Variants in ZNRF2 observed in about 807,000 individuals in gnomAD.
ZNRF2 encodes E3 ubiquitin-protein ligase ZNRF2.
Under a neutral mutation model 20.4 loss-of-function variants are expected in ZNRF2, and 16 were observed. The ratio of observed to expected loss-of-function variants is 0.79; its 90% CI spans 0.53 to 1.19. ZNRF2 has a LOEUF of 1.19. ZNRF2 is among the 50% of genes most tolerant of loss of function. The probability of loss-of-function intolerance (pLI) is 0.00; values close to 1 mark genes in which losing one functional copy is unlikely to be tolerated. For synonymous variants in ZNRF2, 178 were observed against 144.9 expected, an observed-to-expected ratio of 1.23 and a Z score of -1.64; for missense variants, 363 against 332.4, an observed-to-expected ratio of 1.09 and a Z score of -0.72.
chr7:30,348,706 T>C (rs1281313256), intron 2 of ZNRF2, among the ~76,000 whole-genome samples: 1 of 152,198 alleles, frequency 6.6e-6, no homozygotes, highest in East Asian at 1.9e-4. Context: ...GCTTCCATTC[T>C]CTAAAAATCC....
chr7:30,290,200 TTTG>T (rs1280630242), intron 1 of ZNRF2, among the ~76,000 whole-genome samples: 1 of 152,262 alleles, frequency 6.6e-6, no homozygotes, highest in Non-Finnish European at 1.5e-5. Context: ...ATGACATTTA[TTTG>T]TTAAGAAATT....
intron 2 of ZNRF2, among the ~76,000 whole-genome samples, chr7:30,345,454 A>G (rs1326170076): frequency 2.0e-5 from 3 of 151,934 alleles, no homozygotes; most frequent in Admixed American, 2.0e-4. Context: ...GAGGCTAGAT[A>G]GTGGATATAT....
At chr7:30,295,310 C>A (rs555568496) in intron 1 of ZNRF2, among the ~76,000 whole-genome samples, 25 of 152,184 alleles carry the variant, frequency 1.6e-4, no homozygotes, top group Admixed American at 1.5e-3. Context: ...CACTTTATGT[C>A]CAGGCTGTAT....
At chr7:30,306,645 C>G (rs1206860979) in intron 1 of ZNRF2, among the ~76,000 whole-genome samples, 2 of 152,102 alleles carry the variant, frequency 1.3e-5, no homozygotes, top group African/African-American at 4.8e-5. Flanking sequence ...TCCTAAAACA[C>G]TGGATAATCC....
chr7:30,297,734 A>AT (rs57677188), intron 1 of ZNRF2, among the ~76,000 whole-genome samples: 2,100 of 140,608 alleles, frequency 0.015, 43 homozygotes, highest in East Asian at 0.1. Flanking sequence ...GCTTTCTGTG[A>AT]TTTTTTTTTT....
chr7:30,303,676 C>G (rs1008200993), intron 1 of ZNRF2, among the ~76,000 whole-genome samples: 8 of 152,128 alleles, frequency 5.3e-5, no homozygotes, highest in Non-Finnish European at 1.0e-4. Context: ...GGGCTGGGTG[C>G]TTTATTAACT....
At chr7:30,331,062 C>T (rs1799629151) in intron 2 of ZNRF2, among the ~76,000 whole-genome samples, 1 of 152,152 alleles carries the variant, frequency 6.6e-6, no homozygotes, top group South Asian at 2.1e-4. Flanking sequence ...ATGTTAAAGG[C>T]AATGGGAAAT....
chr7:30,295,788 C>T (rs1360354224), intron 1 of ZNRF2, among the ~76,000 whole-genome samples: 3 of 152,216 alleles, frequency 2.0e-5, no homozygotes, highest in Non-Finnish European at 4.4e-5. Context: ...GTACTTTTAA[C>T]TATTGAATGA....
intron 1 of ZNRF2, among the ~76,000 whole-genome samples, chr7:30,310,885 TTGTCCTGTCC>T (rs1178440641): frequency 4.9e-5 from 7 of 142,514 alleles, no homozygotes; most frequent in Non-Finnish European, 7.8e-5. Context: ...CTGTCCTGTC[TTGTCCTGTCC>T]TGTGGAACAT....
At chr7:30,306,649 A>G (rs1029491147) in intron 1 of ZNRF2, among the ~76,000 whole-genome samples, 1 of 152,160 alleles carries the variant, frequency 6.6e-6, no homozygotes, top group Admixed American at 6.6e-5. Flanking sequence ...AAAACACTGG[A>G]TAATCCAATT....
intron 4 of ZNRF2, among the ~76,000 whole-genome samples, chr7:30,365,131 C>T (rs1450181943): frequency 2.0e-5 from 3 of 148,230 alleles, no homozygotes; most frequent in Non-Finnish European, 3.0e-5. Flanking sequence ...AACATTTAGA[C>T]CATAGAGCTG....
At chr7:30,288,637 T>A (rs1480701799) in intron 1 of ZNRF2, 1 of 152,250 alleles carries the variant, frequency 6.6e-6, no homozygotes, top group Admixed American at 6.5e-5. Context: ...GAAAAATGCC[T>A]AATCCAGATA....
chr7:30,307,752 AC>A (rs1799232732), intron 1 of ZNRF2, among the ~76,000 whole-genome samples: 1 of 152,096 alleles, frequency 6.6e-6, no homozygotes, highest in African/African-American at 2.4e-5. Context: ...TTTATTTACC[AC>A]CGAGCATAAT....
At chr7:30,345,680 A>G (rs73687807) in intron 2 of ZNRF2, among the ~76,000 whole-genome samples, 2,756 of 152,114 alleles carry the variant, frequency 0.018, 88 homozygotes, top group African/African-American at 0.062. Context: ...AGTGTATATC[A>G]TTAAACATGG....
intron 1 of ZNRF2, among the ~76,000 whole-genome samples, chr7:30,309,942 T>G (rs1799267115): frequency 6.6e-6 from 1 of 152,190 alleles, no homozygotes; most frequent in Admixed American, 6.5e-5. Flanking sequence ...TGGTATTTGT[T>G]TATGTGTATT....
intron 2 of ZNRF2, among the ~76,000 whole-genome samples, chr7:30,326,855 G>A (rs1363888011): frequency 1.3e-5 from 2 of 151,878 alleles, no homozygotes; most frequent in African/African-American, 4.8e-5. Flanking sequence ...GTATCTCCTT[G>A]TGGTTTTGAT....
Position 30,319,215 on chromosome 7 carries a change from C to T in ZNRF2, c.470-4427C>T, listed in dbSNP as rs187102491. Among the ~76,000 whole-genome samples the T allele has an allele frequency of 1.7e-4, 26 of 152,170 alleles. No homozygotes were observed. The East Asian group carries it at 5.0e-3, about 29-fold the overall frequency. On this transcript the variant is annotated intron_variant, in intron 1 of 4. Transcript: ENST00000323037. The stretch of plus-strand genomic sequence containing the variant: ...AGTGCAGTGGTAGGATCATAGTTCA[C>T]TGCAGCCTCAAACTCCTGGGCAAGA...
intron 2 of ZNRF2, among the ~76,000 whole-genome samples, chr7:30,333,747 G>A (rs183564997): frequency 4.1e-4 from 62 of 152,266 alleles, no homozygotes; most frequent in African/African-American, 1.4e-3. Flanking sequence ...GGATTTATCT[G>A]ATGATTAGTG....
At chr7:30,288,090 A>G (rs923144125) in intron 1 of ZNRF2, among the ~76,000 whole-genome samples, 2 of 152,206 alleles carry the variant, frequency 1.3e-5, no homozygotes, top group Non-Finnish European at 2.9e-5. Context: ...TGGACGGGTT[A>G]TTAGGAAAAC....
Sources: allele counts gnomAD v4.1 joint callset (sites outside exome capture counted in the v4.1 genomes callset), GRCh38; gene constraint gnomAD v4.1.1; transcripts MANE v1.5; gene names NCBI Gene and HGNC (gene_info 2026-07-23, HGNC 2026-07-21).